The following C1orf167 variants were observed in gnomAD, a reference collection of about 807,000 sequenced individuals.
C1orf167 encodes chromosome 1 open reading frame 167.
C1orf167 carries 153 observed loss-of-function variants against 176.5 expected under a neutral mutation model. The observed-to-expected ratio is 0.87, with a 90% CI of 0.76 to 0.99. C1orf167 has a LOEUF of 0.99. Ranked by LOEUF, C1orf167 falls within the 50% of genes least tolerant of loss-of-function variation. The pLI is 0.00. For missense variants in C1orf167, 1,490 were observed against 1,817.7 expected, an observed-to-expected ratio of 0.82 and a Z score of 3.28; for synonymous variants, 594 against 752.7, an observed-to-expected ratio of 0.79 and a Z score of 3.45.
Position 11,764,457 on chromosome 1 carries a change from G to A in C1orf167, c.57G>A (p.Ala19=), listed in dbSNP as rs569121321. 2.3e-5 allele frequency: 30 copies of A among 1,289,408 alleles called. No individual in the cohort carries two copies. The highest frequency in any genetic ancestry group is 5.5e-5 in the East Asian group (1 of 18,022). The allele number at this position is 1,289,408 out of a possible 1,614,324, so 79.9% of individuals were successfully genotyped here. A position where few individuals can be genotyped will look rare whatever the true frequency, so the allele number is the denominator to read the frequency against. Reference sequence around the variant, plus strand: ...AGAATGTGTCCCCAAAGCCTGCAGCGCTCCCGAAGCCAGGCAAGAGGCTTA... The same window carrying A: ...AGAATGTGTCCCCAAAGCCTGCAGCACTCCCGAAGCCAGGCAAGAGGCTTA... The part of the protein sequence containing the change: ...HKENVSPKPA[A]LPKPEQRRFR... Residue 19 remains alanine (A), a synonymous_variant, in exon 2 of 21, where the codon GCG becomes GCA. Coordinates refer to ENST00000688073, the MANE Select transcript of C1orf167 (RefSeq NM_001010881.2).
chr1:11,765,930 G>C lies in C1orf167; in HGVS notation c.144G>C (p.Gln48His). Residue 48 changes from glutamine to histidine, a missense_variant, in exon 3 of 21, where the codon CAG becomes CAC. Transcript: ENST00000688073. ...ATGACCAGTGGGTGCCCGGGTGCCA[G>C]GTGGAGAGGGGAGGGCCTGCTGCCA... ...GRHDQWVPGC[Q>H]VERGGPAATP... The C allele has an allele frequency of 8.0e-7, 1 of 1,244,720 alleles. No homozygotes were observed. The highest frequency in any genetic ancestry group is 1.0e-6 in the Non-Finnish European group (1 of 966,462). 77.1% of individuals were successfully genotyped at this position (1,244,720 alleles called of 1,614,324 possible).
Position 11,789,361 on chromosome 1 carries a change from A to G in C1orf167, c.4265A>G (p.Lys1422Arg), listed in dbSNP as rs1248292215. The change falls in exon 21 of 21, where the codon AAG (lysine) becomes AGG (arginine). Residue 1422 changes from lysine (K) to arginine (R), a missense_variant. Physicochemically the swap from Lys to Arg is conservative, Grantham distance 26. Coordinates refer to ENST00000688073, the MANE Select transcript of C1orf167 (RefSeq NM_001010881.2). The part of the protein sequence containing the change: ...SPRPWSKPGP[K>R]GPESGQEAAR... ...AGACCCTGGAGCAAGCCAGGCCCCA[A>G]GGGCCCCGAGAGTGGACAGGAAGCC... The G allele has an allele frequency of 1.5e-6, 2 of 1,303,732 alleles. No individual in the cohort carries two copies. Among genetic ancestry groups the G allele is most frequent in the South Asian group, 1.2e-5 (1 of 81,006 alleles). The allele number at this position is 1,303,732 out of a possible 1,614,324, so 80.8% of individuals were successfully genotyped here.
At chr1:11,764,105 T>TG (rs1337173272) in intron 1 of C1orf167, among the ~76,000 whole-genome samples, 1 of 151,840 alleles carries the variant, frequency 6.6e-6, no homozygotes, top group African/African-American at 2.4e-5. Context: ...CCGAGAGGTC[T>TG]GGGGGGCAGG....
chr1:11,788,081 C>T (rs748486375), intron 18 of C1orf167, 34 bp downstream of exon 18: 174 of 1,281,734 alleles, frequency 1.4e-4, no homozygotes, highest in Non-Finnish European at 1.6e-4. Context: ...TTGGTGGGTC[C>T]GAGGGATGGG....
At chr1:11,769,816 C>T (rs901701207) in intron 6 of C1orf167, among the ~76,000 whole-genome samples, 11 of 151,834 alleles carry the variant, frequency 7.2e-5, no homozygotes, top group African/African-American at 2.2e-4. Context: ...GGACTACAGG[C>T]GCCCACCACC....
intron 4 of C1orf167, 46 bp downstream of exon 4, chr1:11,767,310 C>T (rs1212313627): frequency 4.0e-6 from 5 of 1,262,614 alleles, no homozygotes; most frequent in South Asian, 1.2e-5. Context: ...TTGGGGGACA[C>T]GTGCTCAGGA....
intron 13 of C1orf167, among the ~76,000 whole-genome samples, chr1:11,780,682 C>T (rs775091622): frequency 2.0e-5 from 3 of 152,190 alleles, no homozygotes; most frequent in East Asian, 3.9e-4. Flanking sequence ...AGTCACTGGT[C>T]GGAGCCCTGA....
intron 14 of C1orf167, among the ~76,000 whole-genome samples, chr1:11,783,171 G>A (rs924124446): frequency 2.0e-5 from 3 of 152,158 alleles, no homozygotes; most frequent in Non-Finnish European, 4.4e-5. Context: ...CAGTGTCCCC[G>A]TGGGGCAGTG....
rs1405937179 is a variant in C1orf167 at position 11,766,377 on chromosome 1, C to G, written c.591C>G (p.Gly197=). The change falls in exon 3 of 21, where the codon GGC becomes GGG. Residue 197 remains glycine, a synonymous_variant. Transcript: ENST00000688073. This position sits in a 1 kb window ranked among gnomAD's most constrained non-coding sequence, Gnocchi z 4.5. ...FAPLDGHTQP[G]LRSWGGLGSW... Reference sequence around the variant, plus strand: ...CTCTCGATGGGCATACACAGCCAGGCCTCAGATCCTGGGGTGGTCTGGGGA... The same window carrying G: ...CTCTCGATGGGCATACACAGCCAGGGCTCAGATCCTGGGGTGGTCTGGGGA... 3.2e-6 allele frequency: 4 copies of G among 1,268,192 alleles called. No homozygotes were observed. The highest frequency in any genetic ancestry group is 4.1e-6 in the Non-Finnish European group (4 of 978,328). 78.6% of individuals were successfully genotyped at this position (1,268,192 alleles called of 1,614,324 possible).
rs993346072 is a variant in C1orf167 at position 11,788,325 on chromosome 1, G to A, written c.4025G>A (p.Gly1342Asp). Residue 1342 changes from glycine to aspartate, a missense_variant, in exon 19 of 21, where the codon GGC becomes GAC. By Grantham distance (94) the Gly-to-Asp change is moderately conservative (BLOSUM62 -1). Transcript: ENST00000688073. ...GFPAGQVPGS[G>D]MAALGGCPRG... is the part of the protein sequence containing the mutation. ...CCAGCAGGCCAGGTGCCTGGCAGTG[G>A]CATGGCAGCACTGGGTGGATGCCCA... 4 of 1,302,150 alleles carry A rather than the reference G, an allele frequency of 3.1e-6. No individual in the cohort carries two copies. Among genetic ancestry groups the A allele is most frequent in the Admixed American group, 2.3e-5 (1 of 43,554 alleles). 80.7% of individuals were successfully genotyped at this position (1,302,150 alleles called of 1,614,324 possible).
intron 12 of C1orf167, chr1:11,779,423 A>T (rs1430936735): frequency 4.6e-6 from 1 of 216,650 alleles, no homozygotes. Flanking sequence ...TCTGTGCCCT[A>T]TTTGCCTATC....
Position 11,784,430 on chromosome 1 carries a change from T to C in C1orf167, c.3262T>C (p.Trp1088Arg). 1 of 1,303,674 alleles carries C rather than the reference T, an allele frequency of 7.7e-7. No homozygotes were observed. The highest frequency in any genetic ancestry group is 1.0e-6 in the Non-Finnish European group (1 of 988,882). 80.8% of individuals were successfully genotyped at this position (1,303,674 alleles called of 1,614,324 possible). The change falls in exon 15 of 21, where the codon TGG becomes CGG. Residue 1088 changes from tryptophan (W) to arginine (R), a missense_variant. Trp to Arg is a moderately radical substitution (Grantham distance 101). Transcript: ENST00000688073. ...CCGGGCCCCACAGGCCTTCCCAGCA[T>C]GGCCAGTGGCCCCGGGCATGCACCA... ...KARAPQAFPAWPVAPGMHHEA... is the reference protein window; with the variant it reads ...KARAPQAFPARPVAPGMHHEA...
chr1:11,779,191 A>G, intron 12 of C1orf167, 111 bp downstream of exon 12: 1 of 1,042,708 alleles, frequency 9.6e-7, no homozygotes, highest in Non-Finnish European at 1.2e-6. Flanking sequence ...TCTGCACCTC[A>G]GGGGGCTTCA....
chr1:11,774,082 T>G (rs1044441994), intron 8 of C1orf167, among the ~76,000 whole-genome samples: 1 of 152,116 alleles, frequency 6.6e-6, no homozygotes, highest in African/African-American at 2.4e-5. Flanking sequence ...TTTAAATTTT[T>G]TGTAGAGATT....
Position 11,778,937 on chromosome 1 carries a change from C to T in C1orf167, c.2508C>T (p.Ala836=), listed in dbSNP as rs892296400. The change falls in exon 12 of 21, where the codon GCC becomes GCT. Residue 836 remains alanine, a synonymous_variant. Coordinates refer to ENST00000688073, the MANE Select transcript of C1orf167 (RefSeq NM_001010881.2). The part of the protein sequence containing the change: ...LQDSLEKVPR[A]PTLPDTLQGS... ...ATCTCCTTCCCCAGGTTCCCAGGGC[C>T]CCCACCCTCCCGGACACTCTCCAGG... is the stretch of plus-strand genomic sequence containing the variant. 7.7e-7 allele frequency: 1 copy of T among 1,303,424 alleles called. No homozygotes were observed. Among genetic ancestry groups the T allele is most frequent in the Admixed American group, 2.3e-5 (1 of 43,480 alleles). 80.7% of individuals were successfully genotyped at this position (1,303,424 alleles called of 1,614,324 possible).
Position 11,776,545 on chromosome 1 carries a change from G to A in C1orf167, c.2246G>A (p.Gly749Asp). The change falls in exon 10 of 21, where the codon GGC (glycine) becomes GAC (aspartate). Residue 749 changes from glycine to aspartate, a missense_variant. Coordinates refer to ENST00000688073, the MANE Select transcript of C1orf167 (RefSeq NM_001010881.2). ...VGQAQGQQEQ[G>D]RGSLQDACWT... is the part of the protein sequence containing the mutation. ...CAGGCCCAGGGGCAGCAGGAGCAAG[G>A]CCGGGGCTCCCTGCAGGATGCCTGC... 1 of 1,285,376 alleles carries A rather than the reference G, an allele frequency of 7.8e-7. No homozygotes were observed. The highest frequency in any genetic ancestry group is 1.0e-6 in the Non-Finnish European group (1 of 980,916). 79.6% of individuals were successfully genotyped at this position (1,285,376 alleles called of 1,614,324 possible). A position where few individuals can be genotyped will look rare whatever the true frequency, so the allele number is the denominator to read the frequency against.
rs1326931158 is a variant in C1orf167 at position 11,784,299 on chromosome 1, A to C, written c.3131A>C (p.Gln1044Pro). The C allele has an allele frequency of 2.3e-6, 3 of 1,303,598 alleles. No individual in the cohort carries two copies. In the African/African-American group the frequency reaches 4.6e-5, roughly 20 times the overall value. The allele number at this position is 1,303,598 out of a possible 1,614,324, so 80.8% of individuals were successfully genotyped here. Residue 1044 changes from glutamine (Q) to proline (P), a missense_variant, in exon 15 of 21, where the codon CAG becomes CCG. Coordinates refer to ENST00000688073, the MANE Select transcript of C1orf167 (RefSeq NM_001010881.2). ...GAVFATWREA[Q>P]EVAAGAQEQR... The stretch of plus-strand genomic sequence containing the variant: ...GTGTTTGCCACATGGCGGGAAGCCC[A>C]GGAAGTGGCAGCCGGGGCACAGGAG...
chr1:11,764,111 G>A (rs1179290714), intron 1 of C1orf167, among the ~76,000 whole-genome samples: 6 of 152,168 alleles, frequency 3.9e-5, no homozygotes, highest in African/African-American at 1.4e-4. Flanking sequence ...GGTCTGGGGG[G>A]CAGGATGGGG....
At chr1:11,781,179 G>A (rs1643585358) in intron 13 of C1orf167, among the ~76,000 whole-genome samples, 1 of 151,858 alleles carries the variant, frequency 6.6e-6, no homozygotes, top group Non-Finnish European at 1.5e-5. Context: ...TGTATTTTTA[G>A]TGGAGATGGG....
Sources: allele counts gnomAD v4.1 joint callset (sites outside exome capture counted in the v4.1 genomes callset), GRCh38; gene constraint gnomAD v4.1.1; non-coding constraint Gnocchi (gnomAD v3.1); transcripts MANE v1.5; gene names NCBI Gene and HGNC (gene_info 2026-07-23, HGNC 2026-07-21).